The following HMGB1 variants were observed in gnomAD, a reference collection of about 807,000 sequenced individuals.
HMGB1 encodes the protein high mobility group box 1.
For synonymous variants in HMGB1, 81 were observed against 84.0 expected (o/e 0.96, Z 0.19); for missense variants, 79 against 253.5 (o/e 0.31, Z 4.67).
Position 30,538,631 on chromosome 13 carries a change from T to TTCTTCC in HMGB1, c.-14-74938_-14-74937insGGAAGA, listed in dbSNP as rs1443881621. On this transcript the variant is annotated intron_variant, in intron 1 of 4. Transcript: ENST00000405805. ...TCTTTCTCTTTCTCTCTCTCTTTCTTTTTCTTTCTTCCTTTCTTTCTTTCT... is the reference window on the plus strand; with the variant it reads ...TCTTTCTCTTTCTCTCTCTCTTTCTTTCTTCCTTTCTTTCTTCCTTTCTTTCTTTCT... 7.9e-4 allele frequency among the ~76,000 whole-genome samples: 78 copies of TTCTTCC among 98,652 alleles called. 3 individuals are homozygous for TTCTTCC. The highest frequency in any genetic ancestry group is 3.9e-3 in the African/African-American group (44 of 11,358). 64.7% of individuals were successfully genotyped at this position (98,652 alleles called of 152,430 possible).
At chr13:30,519,128 C>T (rs1217655055) in intron 1 of HMGB1, among the ~76,000 whole-genome samples, 2 of 152,028 alleles carry the variant, frequency 1.3e-5, no homozygotes, top group Admixed American at 1.3e-4. Flanking sequence ...TGCGGTGGCT[C>T]ATGCCTGTAA....
intron 1 of HMGB1, among the ~76,000 whole-genome samples, chr13:30,503,722 C>T: frequency 6.9e-6 from 1 of 144,256 alleles, no homozygotes; most frequent in East Asian, 2.0e-4. Flanking sequence ...ACAAGACTGT[C>T]CGAGCTCAAA....
intron 1 of HMGB1, among the ~76,000 whole-genome samples, chr13:30,602,908 A>T (rs1950417865): frequency 6.6e-6 from 1 of 152,082 alleles, no homozygotes; most frequent in Admixed American, 6.5e-5. Flanking sequence ...GGTTCAGGTG[A>T]TCCTCCCACC....
At chr13:30,600,959 T>A (rs1323161818) in intron 1 of HMGB1, among the ~76,000 whole-genome samples, 1 of 152,170 alleles carries the variant, frequency 6.6e-6, no homozygotes, top group African/African-American at 2.4e-5. Flanking sequence ...GACTTGCATG[T>A]ATACATCCAG....
chr13:30,460,117 GTTTGT>G lies in HMGB1; in HGVS notation c.*1235_*1239del, dbSNP rs1415036535. The G allele has an allele frequency of 6.6e-6, 1 of 152,284 alleles. No homozygotes were observed. The highest frequency in any genetic ancestry group is 2.4e-5 in the African/African-American group (1 of 41,308). 9.4% of individuals were successfully genotyped at this position (152,284 alleles called of 1,614,324 possible). A position where few individuals can be genotyped will look rare whatever the true frequency, so the allele number is the denominator to read the frequency against. On this transcript the variant is annotated 3_prime_UTR_variant, in exon 5 of 5. Coordinates refer to ENST00000341423, the MANE Select transcript of HMGB1 (RefSeq NM_002128.7). ...GCAGATAAACATGACTAATGAATGAGTTTGTTTTGTAAAGAAAAATCATTCAAATA... is the reference window on the plus strand; with the variant it reads ...GCAGATAAACATGACTAATGAATGAGTTTGTAAAGAAAAATCATTCAAATA...
chr13:30,613,264 C>G (rs962156948), intron 1 of HMGB1, among the ~76,000 whole-genome samples: 1 of 152,144 alleles, frequency 6.6e-6, no homozygotes, highest in African/African-American at 2.4e-5. Flanking sequence ...CTCAAGTGAT[C>G]TGCTTGCCTC....
At chr13:30,603,613 C>T (rs1950424915) in intron 1 of HMGB1, among the ~76,000 whole-genome samples, 1 of 152,124 alleles carries the variant, frequency 6.6e-6, no homozygotes. Context: ...TTCTAGGACT[C>T]CCTAAGGATA....
intron 1 of HMGB1, among the ~76,000 whole-genome samples, chr13:30,607,959 C>T (rs1037647015): frequency 2.6e-5 from 4 of 152,132 alleles, no homozygotes; most frequent in Non-Finnish European, 5.9e-5. Context: ...AAGATGGCCT[C>T]CAATGAATCC....
At chr13:30,520,479 G>T (rs1213941680) in intron 1 of HMGB1, among the ~76,000 whole-genome samples, 2 of 151,750 alleles carry the variant, frequency 1.3e-5, no homozygotes, top group Admixed American at 6.6e-5. Flanking sequence ...AATTAGTCAG[G>T]TGTGGTGGCG....
intron 1 of HMGB1, among the ~76,000 whole-genome samples, chr13:30,602,043 T>G (rs1203421813): frequency 1.3e-5 from 2 of 152,074 alleles, no homozygotes; most frequent in African/African-American, 4.8e-5. Context: ...GACGTGCACA[T>G]GTACGAGCGT....
intron 1 of HMGB1, among the ~76,000 whole-genome samples, chr13:30,480,984 C>T (rs147368900): frequency 4.6e-5 from 7 of 151,882 alleles, no homozygotes; most frequent in Admixed American, 4.6e-4. Flanking sequence ...CCTATGGTTT[C>T]CTGCTCTGCC....
At position 30,558,712 on chromosome 13, in the gene HMGB1, G is replaced by A. The variant is rs1869802306; in HGVS notation, c.-15+57959C>T. The stretch of plus-strand genomic sequence containing the variant: ...GCCATTCAAGTGTCCCCCAGATACT[G>A]CAAATGTTGATCCTCAAAACCCCAG... On this transcript the variant is annotated intron_variant, in intron 1 of 4. Coordinates refer to the HMGB1 transcript ENST00000405805. 2.6e-5 allele frequency among the ~76,000 whole-genome samples: 4 copies of A among 152,246 alleles called. No homozygotes were observed. In the Middle Eastern group the frequency reaches 0.01, roughly 388 times the overall value.
intron 1 of HMGB1, among the ~76,000 whole-genome samples, chr13:30,515,265 G>A (rs1888077308): frequency 6.6e-6 from 1 of 152,216 alleles, no homozygotes; most frequent in South Asian, 2.1e-4. Context: ...TCTGCCAACA[G>A]AACCTGAATG....
At chr13:30,546,783 T>G (rs1229584524) in intron 1 of HMGB1, among the ~76,000 whole-genome samples, 1 of 152,168 alleles carries the variant, frequency 6.6e-6, no homozygotes, top group African/African-American at 2.4e-5. Context: ...CCATGCCCAG[T>G]CCAGTTTAAT....
intron 1 of HMGB1, among the ~76,000 whole-genome samples, chr13:30,493,253 C>T (rs1887539490): frequency 6.6e-6 from 1 of 152,050 alleles, no homozygotes; most frequent in Non-Finnish European, 1.5e-5. Flanking sequence ...CAGTAATAAA[C>T]AGGAATGAAC....
intron 1 of HMGB1, among the ~76,000 whole-genome samples, chr13:30,495,036 T>G (rs1887579577): frequency 6.6e-6 from 1 of 152,212 alleles, no homozygotes; most frequent in Admixed American, 6.5e-5. Context: ...TCATATTCCA[T>G]GGTATGCAGA....
At chr13:30,607,560 T>A (rs901001785) in intron 1 of HMGB1, among the ~76,000 whole-genome samples, 2 of 151,730 alleles carry the variant, frequency 1.3e-5, no homozygotes, top group Admixed American at 1.3e-4. Flanking sequence ...CTTTTCTTTG[T>A]AAATTACCCA....
At chr13:30,604,638 T>G (rs547691601) in intron 1 of HMGB1, among the ~76,000 whole-genome samples, 2 of 152,286 alleles carry the variant, frequency 1.3e-5, no homozygotes, top group African/African-American at 4.8e-5. Context: ...GCTGGAGAAG[T>G]GCTTAGCTTC....
At chr13:30,600,126 TCA>T (rs1950385002) in intron 1 of HMGB1, among the ~76,000 whole-genome samples, 3 of 152,336 alleles carry the variant, frequency 2.0e-5, no homozygotes, top group Admixed American at 2.0e-4. Flanking sequence ...CCTTTCCTAA[TCA>T]CAGTTTCCTC....
Sources: gnomAD v4.1 joint callset for allele counts (sites outside exome capture counted in the v4.1 genomes callset) on GRCh38, gnomAD v4.1.1 for gene constraint, MANE v1.5 for transcripts, NCBI Gene and HGNC (gene_info 2026-07-23, HGNC 2026-07-21) for gene names.